Variants in APOLD1 observed in about 807,000 individuals in gnomAD.
APOLD1 encodes apolipoprotein L domain containing 1, also known as apolipoprotein L domain-containing protein 1.
Under a neutral mutation model 15.3 loss-of-function variants are expected in APOLD1, and 22 were observed. The ratio of observed to expected loss-of-function variants is 1.44; its 90% CI spans 1.03 to 2.05. APOLD1 has a LOEUF of 2.05. Ranked by LOEUF, APOLD1 falls within the 30% of genes most tolerant of loss-of-function variation. The pLI, the probability that APOLD1 is intolerant of heterozygous loss-of-function variation, is 0.00. For synonymous variants in APOLD1, 190 were observed against 167.4 expected (o/e 1.13, Z -1.04); for missense variants, 394 against 353.5 (o/e 1.11, Z -0.92).
intron 1 of APOLD1, among the ~76,000 whole-genome samples, chr12:12,745,045 A>G (rs1428179475): frequency 6.6e-6 from 1 of 152,112 alleles, no homozygotes; most frequent in Non-Finnish European, 1.5e-5. Flanking sequence ...GTTAGAGGGA[A>G]AAATGTATTA....
intron 1 of APOLD1, among the ~76,000 whole-genome samples, chr12:12,747,315 G>A (rs1422132092): frequency 2.0e-5 from 3 of 152,136 alleles, no homozygotes; most frequent in Non-Finnish European, 4.4e-5. Flanking sequence ...AACAAAACCT[G>A]TCATTCCAGG....
At chr12:12,780,375 C>T (rs1592308788) in intron 1 of APOLD1, among the ~76,000 whole-genome samples, 1 of 151,804 alleles carries the variant, frequency 6.6e-6, no homozygotes, top group East Asian at 1.9e-4. Context: ...TCCCAAGTAC[C>T]AAGTAGCTGG....
chr12:12,726,151 G>GAAA, intron 1 of APOLD1: 1 of 305,262 alleles, frequency 3.3e-6, no homozygotes, highest in Non-Finnish European at 5.6e-6. Context: ...ACACCTCTTC[G>GAAA]CAACCAAAAA....
chr12:12,785,859 G>A (rs7297140), intron 1 of APOLD1, among the ~76,000 whole-genome samples, 165 bp downstream of exon 1: 28,719 of 152,190 alleles, frequency 0.19, 2,784 homozygotes, highest in South Asian at 0.29. Context: ...TGAAGAATCA[G>A]CTGCTTCTAG....
chr12:12,781,737 C>A (rs1443470034), upstream of APOLD1, among the ~76,000 whole-genome samples: 1 of 151,296 alleles, frequency 6.6e-6, no homozygotes, highest in East Asian at 2.1e-4. Context: ...CCATGTTAGC[C>A]AGAATGGTCT....
chr12:12,764,752 T>G, intron 1 of APOLD1: 1 of 481,362 alleles, frequency 2.1e-6, no homozygotes, highest in African/African-American at 2.0e-5. Context: ...TATGTGCATC[T>G]CACATGGTGT....
rs73283158 is a variant in APOLD1 at position 12,755,966 on chromosome 12, C to T, written c.96+29870C>T. On this transcript the variant is annotated intron_variant, in intron 1 of 1. Coordinates refer to the APOLD1 transcript ENST00000326765. Reference sequence around the variant, plus strand: ...CCTGGCACAATTGTGTCAGCCAATTCCTTAAACTAAACCTTTCTCTCTCTA... The same window carrying T: ...CCTGGCACAATTGTGTCAGCCAATTTCTTAAACTAAACCTTTCTCTCTCTA... Among the ~76,000 whole-genome samples, 662 of 152,294 alleles carry T rather than the reference C, an allele frequency of 4.3e-3. 3 individuals carry two copies. Among genetic ancestry groups the T allele is most frequent in the African/African-American group, 0.015 (630 of 41,548 alleles).
chr12:12,780,880 G>A (rs961159300), upstream of APOLD1, among the ~76,000 whole-genome samples: 21 of 150,000 alleles, frequency 1.4e-4, no homozygotes, highest in Admixed American at 1.3e-3. Flanking sequence ...CACCATGCCC[G>A]GCCTGAATTT....
At chr12:12,747,313 C>T (rs947142122) in intron 1 of APOLD1, among the ~76,000 whole-genome samples, 1 of 152,142 alleles carries the variant, frequency 6.6e-6, no homozygotes, top group South Asian at 2.1e-4. Context: ...AAAACAAAAC[C>T]TGTCATTCCA....
chr12:12,766,774 G>GGGAGGT (rs1565433962), intron 1 of APOLD1, among the ~76,000 whole-genome samples: 1 of 152,080 alleles, frequency 6.6e-6, no homozygotes, highest in African/African-American at 2.4e-5. Flanking sequence ...GCTTGAACCC[G>GGGAGGT]GGAGGTGGAG....
Position 12,790,725 on chromosome 12 carries a change from AT to A in APOLD1, c.*3076del. The stretch of plus-strand genomic sequence containing the variant: ...TAACTGTTTAGCTATCTTAATGAGA[AT>A]TTGTTGACAACAAAAGATCATCCAT... On this transcript the variant is annotated 3_prime_UTR_variant, in exon 2 of 2. Coordinates refer to ENST00000356591, the MANE Select transcript of APOLD1 (RefSeq NM_030817.3). 1 of 152,356 alleles carries A rather than the reference AT, an allele frequency of 6.6e-6. No homozygotes were observed. Among genetic ancestry groups the A allele is most frequent in the Admixed American group, 6.5e-5 (1 of 15,296 alleles). The allele number at this position is 152,356 out of a possible 1,614,324, so 9.4% of individuals were successfully genotyped here.
At chr12:12,761,364 T>C (rs1383788018) in intron 1 of APOLD1, among the ~76,000 whole-genome samples, 1 of 152,242 alleles carries the variant, frequency 6.6e-6, no homozygotes, top group African/African-American at 2.4e-5. Context: ...ACATGCTTAT[T>C]TGACTAAAGC....
intron 1 of APOLD1, among the ~76,000 whole-genome samples, chr12:12,761,824 TATGTATAGAGAGAGAG>T (rs1946901501): frequency 5.7e-5 from 2 of 35,310 alleles, no homozygotes; most frequent in African/African-American, 7.4e-5. Context: ...CATATATGTA[TATGTATAGAGAGAGAG>T]AGAGAGAGAG....
At chr12:12,783,386 C>A (rs904565223), upstream of APOLD1, among the ~76,000 whole-genome samples, 5 of 151,914 alleles carry the variant, frequency 3.3e-5, no homozygotes, top group South Asian at 1.0e-3. Flanking sequence ...TCTCGGCTCA[C>A]TGCAACTGCT....
chr12:12,742,317 C>A (rs1021421125), intron 1 of APOLD1, among the ~76,000 whole-genome samples: 11 of 152,182 alleles, frequency 7.2e-5, no homozygotes, highest in African/African-American at 2.4e-4. Flanking sequence ...TCGAGAAGCC[C>A]CCTTGCAAAG....
At chr12:12,753,094 A>G (rs1294442918) in intron 1 of APOLD1, among the ~76,000 whole-genome samples, 2 of 152,150 alleles carry the variant, frequency 1.3e-5, no homozygotes, top group Admixed American at 1.3e-4. Context: ...CAATAGGCTA[A>G]AAAAATAGAT....
chr12:12,788,817 T>A lies in APOLD1; in HGVS notation c.*1165T>A. On this transcript the variant is annotated 3_prime_UTR_variant, in exon 2 of 2. Transcript: ENST00000356591. ...TGAGCTTTCACGAAGTCTCACGGCT[T>A]CTCTAGGGACTCCATGGTCTTCAGA... The A allele has an allele frequency of 6.6e-6, 1 of 152,160 alleles. No individual in the cohort carries two copies. The allele number at this position is 152,160 out of a possible 1,614,324, so 9.4% of individuals were successfully genotyped here. A position where few individuals can be genotyped will look rare whatever the true frequency, so the allele number is the denominator to read the frequency against.
At chr12:12,733,464 A>G (rs1335339993) in intron 1 of APOLD1, among the ~76,000 whole-genome samples, 1 of 152,256 alleles carries the variant, frequency 6.6e-6, no homozygotes, top group Non-Finnish European at 1.5e-5. Context: ...ATACAATTGA[A>G]GGTTACCCAC....
At chr12:12,767,848 T>C (rs1304664467) in intron 1 of APOLD1, among the ~76,000 whole-genome samples, 1 of 151,518 alleles carries the variant, frequency 6.6e-6, no homozygotes, top group Admixed American at 6.6e-5. Context: ...TGTAGTGGTG[T>C]GATCTCGGCT....
Sources: allele counts gnomAD v4.1 joint callset (sites outside exome capture counted in the v4.1 genomes callset), GRCh38; gene constraint gnomAD v4.1.1; transcripts MANE v1.5; gene names NCBI Gene and HGNC (gene_info 2026-07-23, HGNC 2026-07-21).